Variants in ANGEL1 observed in about 807,000 individuals in gnomAD.
ANGEL1 encodes the protein RNA 2',3'-cyclic phosphatase ANGEL1.
Under a neutral mutation model 76.4 loss-of-function variants are expected in ANGEL1, and 62 were observed. That is an observed-to-expected ratio of 0.81 (90% confidence interval 0.66 to 1.00). The LOEUF is 1.00. Ranked by LOEUF, ANGEL1 falls within the 50% of genes least tolerant of loss-of-function variation. The pLI, the probability that ANGEL1 is intolerant of heterozygous loss-of-function variation, is 0.00. For synonymous variants in ANGEL1, 340 were observed against 331.7 expected (o/e 1.03, Z -0.27); for missense variants, 737 against 836.7 (o/e 0.88, Z 1.47).
intron 8 of ANGEL1, among the ~76,000 whole-genome samples, 182 bp downstream of exon 8, chr14:76,791,115 G>A (rs186990379): frequency 1.3e-5 from 2 of 152,236 alleles, no homozygotes; most frequent in Non-Finnish European, 2.9e-5. Context: ...CAGTAACATG[G>A]GTGGGTCACC....
In ANGEL1 at chr14:76,811,922, G is replaced by A. The variant is rs1324509678; in HGVS notation, c.64+842C>T. Among the ~76,000 whole-genome samples the A allele has an allele frequency of 3.3e-5, 5 of 152,110 alleles. No individual in the cohort carries two copies. The East Asian group carries it at 9.6e-4, about 29-fold the overall frequency. On this transcript the variant is annotated intron_variant, in intron 1 of 9. Coordinates refer to ENST00000251089, the MANE Select transcript of ANGEL1 (RefSeq NM_015305.4). ...TACCAATTGTGTAAAGTTCCACAAA[G>A]GAAAACCACAGAATATACAATTGGA...
intron 7 of ANGEL1, among the ~76,000 whole-genome samples, chr14:76,801,206 G>C (rs1009976030): frequency 6.6e-6 from 1 of 151,728 alleles, no homozygotes; most frequent in Non-Finnish European, 1.5e-5. Flanking sequence ...GACCTTCTGG[G>C]CTCAAGCAAT....
intron 7 of ANGEL1, among the ~76,000 whole-genome samples, chr14:76,801,168 T>C (rs181211484): frequency 4.0e-5 from 6 of 151,414 alleles, no homozygotes; most frequent in Non-Finnish European, 7.4e-5. Flanking sequence ...TGGAGTGCAA[T>C]GGTACGAACA....
At chr14:76,796,671 G>A (rs900371834) in intron 7 of ANGEL1, among the ~76,000 whole-genome samples, 2 of 151,920 alleles carry the variant, frequency 1.3e-5, no homozygotes, top group African/African-American at 2.4e-5. Context: ...GTCAATGTTC[G>A]GTGTTTGATA....
At chr14:76,805,123 G>A (rs1208322025) in intron 5 of ANGEL1, among the ~76,000 whole-genome samples, 2 of 152,280 alleles carry the variant, frequency 1.3e-5, no homozygotes, top group Non-Finnish European at 2.9e-5. Context: ...CTTTGAGCCA[G>A]ATACTGGAAA....
chr14:76,804,266 A>C, intron 5 of ANGEL1: 3 of 1,332,146 alleles, frequency 2.3e-6, no homozygotes, highest in Non-Finnish European at 2.9e-6. Context: ...TGCAATGGTT[A>C]AAGGTTTATC....
chr14:76,805,520 C>T (rs1053600126), intron 5 of ANGEL1, among the ~76,000 whole-genome samples: 1 of 152,096 alleles, frequency 6.6e-6, no homozygotes, highest in African/African-American at 2.4e-5. Flanking sequence ...AAAAGTTAGT[C>T]AATAAATTGA....
chr14:76,793,977 G>A (rs980833799), intron 7 of ANGEL1, among the ~76,000 whole-genome samples: 2 of 152,138 alleles, frequency 1.3e-5, no homozygotes. Context: ...TGAAACCAAA[G>A]AAGGCAAAAT....
chr14:76,809,804 A>G (rs1305363489), intron 1 of ANGEL1, among the ~76,000 whole-genome samples, 161 bp from the exon 2 acceptor site: 1 of 152,200 alleles, frequency 6.6e-6, no homozygotes, highest in Non-Finnish European at 1.5e-5. Flanking sequence ...CATCATCATC[A>G]TCATCAGGGC....
Position 76,812,817 on chromosome 14 carries a change from G to A in ANGEL1, c.11C>T (p.Ser4Leu), listed in dbSNP as rs760919674. 9.9e-6 allele frequency: 15 copies of A among 1,516,808 alleles called. No homozygotes were observed. In the Admixed American group the frequency reaches 1.2e-4, roughly 12 times the overall value. The allele number at this position is 1,516,808 out of a possible 1,614,324, so 94.0% of individuals were successfully genotyped here. A position where few individuals can be genotyped will look rare whatever the true frequency, so the allele number is the denominator to read the frequency against. The change falls in exon 1 of 10, where the codon TCG becomes TTG. Residue 4 changes from serine to leucine, a missense_variant. By Grantham distance (145) the Ser-to-Leu change is moderately radical (BLOSUM62 -2). Coordinates refer to ENST00000251089, the MANE Select transcript of ANGEL1 (RefSeq NM_015305.4). Reference protein sequence around the residue: MIASCLCYLLLPAT... With the variant: MIALCLCYLLLPAT... Reference sequence around the variant, plus strand: ...CGGCAGCAGCAGGTAACACAAGCACGACGCGATCATGGCCGGCCGCCCGCG... The same window carrying A: ...CGGCAGCAGCAGGTAACACAAGCACAACGCGATCATGGCCGGCCGCCCGCG...
Position 76,788,116 on chromosome 14 carries a change from G to C in ANGEL1, c.*1112C>G, listed in dbSNP as rs193270382. On this transcript the variant is annotated 3_prime_UTR_variant, in exon 10 of 10. Transcript: ENST00000251089. The stretch of plus-strand genomic sequence containing the variant: ...GAAATGGAAGGGAAGCGGGAGATGG[G>C]AGATAGCAGAAAGTAAAAAGTGGTG... The C allele has an allele frequency of 1.3e-5, 2 of 152,424 alleles. No homozygotes were observed. Among genetic ancestry groups the C allele is most frequent in the African/African-American group, 4.8e-5 (2 of 41,578 alleles). 9.4% of individuals were successfully genotyped at this position (152,424 alleles called of 1,614,324 possible).
intron 4 of ANGEL1, 151 bp downstream of exon 4, chr14:76,807,282 A>T: frequency 1.4e-6 from 1 of 731,488 alleles, no homozygotes. Flanking sequence ...AAAACTGCAG[A>T]ATTCTACTTT....
At chr14:76,800,112 C>A (rs1331630231) in intron 7 of ANGEL1, among the ~76,000 whole-genome samples, 1 of 152,098 alleles carries the variant, frequency 6.6e-6, no homozygotes. Flanking sequence ...GTCTTTTCTA[C>A]CTACAAAGTG....
intron 7 of ANGEL1, among the ~76,000 whole-genome samples, chr14:76,794,740 T>C (rs1016397534): frequency 6.3e-5 from 9 of 143,980 alleles, no homozygotes; most frequent in South Asian, 2.3e-4. Flanking sequence ...TTTATTTCTA[T>C]ATTTTTTCTT....
intron 5 of ANGEL1, among the ~76,000 whole-genome samples, chr14:76,805,394 G>A (rs530360046): frequency 6.6e-6 from 1 of 152,322 alleles, no homozygotes; most frequent in Admixed American, 6.5e-5. Flanking sequence ...CTTGATTACA[G>A]CTCCTTTAGG....
chr14:76,791,924 C>T (rs373690768), intron 7 of ANGEL1, among the ~76,000 whole-genome samples: 1 of 151,904 alleles, frequency 6.6e-6, no homozygotes, highest in African/African-American at 2.4e-5. Context: ...ATACAAATTA[C>T]CAATATCAGG....
Position 76,804,280 on chromosome 14 carries a change from A to G in ANGEL1, c.1381-368T>C, listed in dbSNP as rs150699444. On this transcript the variant is annotated intron_variant, in intron 5 of 9. Coordinates refer to ENST00000251089, the MANE Select transcript of ANGEL1 (RefSeq NM_015305.4). ...TTGCAATGGTTAAAGGTTTATCCTC[A>G]TCTTTGGATCTTCTGGATCAAGGTC... 4.5e-5 allele frequency: 56 copies of G among 1,255,668 alleles called. No individual in the cohort carries two copies. In the African/African-American group the frequency reaches 7.9e-4, roughly 18 times the overall value. The allele number at this position is 1,255,668 out of a possible 1,614,324, so 77.8% of individuals were successfully genotyped here. A position where few individuals can be genotyped will look rare whatever the true frequency, so the allele number is the denominator to read the frequency against.
chr14:76,808,234 T>C (rs1383808347), intron 2 of ANGEL1, 86 bp from the exon 3 acceptor site: 1 of 1,151,216 alleles, frequency 8.7e-7, no homozygotes, highest in Non-Finnish European at 1.2e-6. Context: ...AGTAATATTA[T>C]GCCTGAAGTT....
chr14:76,809,058 C>A lies in ANGEL1; in HGVS notation c.649+1G>T, dbSNP rs758574811. ...CTCACTCAACCAGTTGTCAGACTCA[C>A]CATGATATGGTATTTCCACTGCGGG... On this transcript the variant is annotated splice_donor_variant, in intron 2 of 9. Transcript: ENST00000251089. LOFTEE classifies it high-confidence loss of function. The A allele has an allele frequency of 6.2e-7, 1 of 1,606,336 alleles. No individual in the cohort carries two copies. Among genetic ancestry groups the A allele is most frequent in the Non-Finnish European group, 8.5e-7 (1 of 1,175,230 alleles).
Sources: allele counts gnomAD v4.1 joint callset (sites outside exome capture counted in the v4.1 genomes callset), GRCh38; gene constraint gnomAD v4.1.1; transcripts MANE v1.5; gene names NCBI Gene and HGNC (gene_info 2026-07-23, HGNC 2026-07-21).